The following SIPA1L3 variants were observed in gnomAD, a reference collection of about 807,000 sequenced individuals.
The protein encoded by SIPA1L3 is signal induced proliferation associated 1 like 3, also known as signal-induced proliferation-associated 1-like protein 3.
A neutral mutation model predicts 150.1 loss-of-function variants in SIPA1L3; 59 were observed. The ratio of observed to expected loss-of-function variants is 0.39; its 90% confidence interval spans 0.32 to 0.49. SIPA1L3 has a LOEUF of 0.49. Ranked by LOEUF, SIPA1L3 falls within the 20% of genes least tolerant of loss-of-function variation. The pLI, the probability that SIPA1L3 is intolerant of heterozygous loss-of-function variation, is 0.86. For synonymous variants in SIPA1L3, 1,070 were observed against 1,077.6 expected (o/e 0.99, Z 0.14); for missense variants, 2,211 against 2,489.5 (o/e 0.89, Z 2.38).
At chr19:37,963,639 G>GC (rs1370828585) in intron 1 of SIPA1L3, among the ~76,000 whole-genome samples, 1 of 152,200 alleles carries the variant, frequency 6.6e-6, no homozygotes, top group Non-Finnish European at 1.5e-5. Context: ...TATTTATTGA[G>GC]TTTTTGAGTA....
chr19:38,088,920 G>A, intron 4 of SIPA1L3, 69 bp downstream of exon 4: 10 of 1,557,188 alleles, frequency 6.4e-6, no homozygotes, highest in East Asian at 4.6e-5. Flanking sequence ...AGGTTCTGGG[G>A]GCAAACGCTT....
chr19:37,941,408 A>G (rs2046656375), intron 1 of SIPA1L3, among the ~76,000 whole-genome samples: 1 of 149,788 alleles, frequency 6.7e-6, no homozygotes, highest in Non-Finnish European at 1.5e-5. Flanking sequence ...TGCCTTAGAA[A>G]TGACTATTGA....
At chr19:38,204,471 CAAA>C in intron 21 of SIPA1L3, among the ~76,000 whole-genome samples, 1 of 152,130 alleles carries the variant, frequency 6.6e-6, no homozygotes, top group Admixed American at 6.6e-5. Context: ...CAAAAAAACA[CAAA>C]AAAACTGTGG....
intron 16 of SIPA1L3, among the ~76,000 whole-genome samples, chr19:38,188,590 G>A (rs1972738718): frequency 1.3e-5 from 2 of 151,998 alleles, no homozygotes; most frequent in Admixed American, 1.3e-4. Flanking sequence ...ACATGCACAA[G>A]GTAAAAAATA....
chr19:38,167,693 G>T (rs1396432364), intron 15 of SIPA1L3, among the ~76,000 whole-genome samples: 1 of 152,084 alleles, frequency 6.6e-6, no homozygotes, highest in Non-Finnish European at 1.5e-5. Flanking sequence ...CCCCTAAGTA[G>T]CTGAGACTAC....
intron 1 of SIPA1L3, among the ~76,000 whole-genome samples, chr19:37,947,053 G>A (rs1353854141): frequency 2.0e-5 from 3 of 152,170 alleles, no homozygotes; most frequent in Non-Finnish European, 4.4e-5. Context: ...ATCTAGCTGG[G>A]TGTGGTGGCG....
intron 15 of SIPA1L3, among the ~76,000 whole-genome samples, chr19:38,176,705 C>CT (rs2146010835): frequency 6.6e-6 from 1 of 152,294 alleles, no homozygotes; most frequent in South Asian, 2.1e-4. Context: ...GGCATGGAGG[C>CT]TTACACCTGT....
chr19:38,120,124 T>C (rs183954608), intron 9 of SIPA1L3, among the ~76,000 whole-genome samples: 2 of 152,262 alleles, frequency 1.3e-5, no homozygotes, highest in Admixed American at 6.5e-5. Context: ...GAGATACTTA[T>C]TAACCTTGGA....
intron 2 of SIPA1L3, among the ~76,000 whole-genome samples, chr19:38,068,714 G>A (rs567269327): frequency 3.3e-5 from 5 of 152,062 alleles, no homozygotes; most frequent in South Asian, 4.1e-4. Context: ...AAAATTAGCC[G>A]GTTGTGGTGG....
chr19:37,948,399 T>C (rs705497), intron 1 of SIPA1L3, among the ~76,000 whole-genome samples: 102,039 of 151,404 alleles, frequency 0.67, 35,861 homozygotes, highest in African/African-American at 0.87. Context: ...CTGGGAAGGT[T>C]AAGGCTGCAG....
At chr19:38,006,642 G>A (rs761064759) in intron 1 of SIPA1L3, among the ~76,000 whole-genome samples, 3 of 152,202 alleles carry the variant, frequency 2.0e-5, no homozygotes, top group South Asian at 2.1e-4. Context: ...AGCACAAGGC[G>A]TGCGCACATG....
chr19:37,937,876 C>T (rs2046615857), intron 1 of SIPA1L3, among the ~76,000 whole-genome samples: 1 of 150,744 alleles, frequency 6.6e-6, no homozygotes, highest in African/African-American at 2.4e-5. Context: ...GAAACCCCAT[C>T]TCTACTAAAA....
intron 15 of SIPA1L3, among the ~76,000 whole-genome samples, chr19:38,166,804 G>T (rs572313352): frequency 2.0e-5 from 3 of 152,056 alleles, no homozygotes; most frequent in East Asian, 3.9e-4. Context: ...CTCCTGTGGC[G>T]CCCTAAAGCC....
At chr19:38,045,885 G>C (rs1725514) in intron 2 of SIPA1L3, among the ~76,000 whole-genome samples, 50,344 of 151,972 alleles carry the variant, frequency 0.33, 8,557 homozygotes, top group South Asian at 0.38. Flanking sequence ...AGCCACGGTA[G>C]GAGATTTGGA....
intron 1 of SIPA1L3, among the ~76,000 whole-genome samples, chr19:37,977,664 G>T (rs1967107796): frequency 6.6e-6 from 1 of 150,548 alleles, no homozygotes; most frequent in Non-Finnish European, 1.5e-5. Context: ...AGAAGTTGGG[G>T]CAGAGACTCC....
chr19:38,110,184 G>T, intron 7 of SIPA1L3, 43 bp from the exon 8 acceptor site: 1 of 1,601,282 alleles, frequency 6.2e-7, no homozygotes, highest in South Asian at 1.1e-5. Context: ...CCGTCAGGCC[G>T]ACCTGTGACA....
rs10419131 is a variant in SIPA1L3 at position 38,206,074 on chromosome 19, T to C, written c.5203-23T>C. ...GGAGCGGCCAAGCCCACCCGCCTGATGCCAGCTTCCCACCCTGTGCAGGAG... is the reference window on the plus strand; with the variant it reads ...GGAGCGGCCAAGCCCACCCGCCTGACGCCAGCTTCCCACCCTGTGCAGGAG... On this transcript the variant is annotated intron_variant, in intron 21 of 21. Transcript: ENST00000222345. The C allele has an allele frequency of 0.4, 600,604 of 1,519,688 alleles. 123,305 individuals carry two copies. The highest frequency in any genetic ancestry group is 0.68 in the African/African-American group (49,057 of 72,116). 94.1% of individuals were successfully genotyped at this position (1,519,688 alleles called of 1,614,324 possible). A position where few individuals can be genotyped will look rare whatever the true frequency, so the allele number is the denominator to read the frequency against.
intron 1 of SIPA1L3, among the ~76,000 whole-genome samples, chr19:37,909,104 C>G (rs2046358072): frequency 6.6e-6 from 1 of 152,242 alleles, no homozygotes. Flanking sequence ...TGCTCTTCTT[C>G]CCCAGCCTTC....
chr19:37,994,955 G>T (rs890943278), intron 1 of SIPA1L3, among the ~76,000 whole-genome samples: 4 of 152,182 alleles, frequency 2.6e-5, no homozygotes, highest in Non-Finnish European at 5.9e-5. Flanking sequence ...TCAACCCTCT[G>T]TGTGCAGGCG....
Sources: gnomAD v4.1 joint callset for allele counts (sites outside exome capture counted in the v4.1 genomes callset) on GRCh38, gnomAD v4.1.1 for gene constraint, MANE v1.5 for transcripts, NCBI Gene and HGNC (gene_info 2026-07-23, HGNC 2026-07-21) for gene names.